Variants in GATA4 observed in about 807,000 individuals in gnomAD.
GATA4 encodes GATA binding protein 4.
Under a neutral mutation model 37.9 loss-of-function variants are expected in GATA4, and 7 were observed. The observed-to-expected ratio is 0.18, with a 90% CI of 0.11 to 0.35. GATA4 has a LOEUF of 0.35. GATA4 is among the 10% of genes least tolerant of loss of function. The pLI is 1.00. For synonymous variants in GATA4, 372 were observed against 292.6 expected (o/e 1.27, Z -2.77); for missense variants, 647 against 653.0 (o/e 0.99, Z 0.10).
At chr8:11,692,765 G>C (rs967401720) in intron 1 of GATA4, 1 of 983,084 alleles carries the variant, frequency 1.0e-6, no homozygotes, top group Non-Finnish European at 1.2e-6. Flanking sequence ...CGGACGGGGG[G>C]CGGGAAGCGA....
At chr8:11,697,944 T>C (rs974002131) in intron 1 of GATA4, 2 of 985,332 alleles carry the variant, frequency 2.0e-6, no homozygotes, top group South Asian at 4.7e-5. Flanking sequence ...GTTGAGGTCT[T>C]GGGCCTGGCG....
intron 2 of GATA4, among the ~76,000 whole-genome samples, chr8:11,719,332 A>G (rs904639257): frequency 6.6e-6 from 1 of 152,196 alleles, no homozygotes; most frequent in South Asian, 2.1e-4. Flanking sequence ...GAAAACAAAC[A>G]ACAAATAAAA....
At chr8:11,691,794 C>T (rs1015093580), upstream of GATA4, among the ~76,000 whole-genome samples, 2 of 152,132 alleles carry the variant, frequency 1.3e-5, no homozygotes, top group Non-Finnish European at 2.9e-5. Flanking sequence ...TGGGGTCCCT[C>T]CCTCCTCTTT....
At chr8:11,698,302 T>C (rs1343909547) in intron 1 of GATA4, among the ~76,000 whole-genome samples, 1 of 152,238 alleles carries the variant, frequency 6.6e-6, no homozygotes, top group African/African-American at 2.4e-5. Context: ...TTACAGCATG[T>C]AAGCTGCTTA....
intron 1 of GATA4, among the ~76,000 whole-genome samples, chr8:11,694,237 G>T (rs1799435450): frequency 6.6e-6 from 1 of 152,206 alleles, no homozygotes; most frequent in South Asian, 2.1e-4. Context: ...TTTGTGAATT[G>T]TAGCTCTTAT....
chr8:11,710,659 C>A (rs1162453878), intron 2 of GATA4, among the ~76,000 whole-genome samples: 3 of 137,152 alleles, frequency 2.2e-5, no homozygotes, highest in African/African-American at 8.6e-5. Context: ...CACTGCACTC[C>A]AGCCTGGTAA....
At chr8:11,719,139 T>C (rs971579036) in intron 2 of GATA4, among the ~76,000 whole-genome samples, 1 of 152,198 alleles carries the variant, frequency 6.6e-6, no homozygotes, top group African/African-American at 2.4e-5. Flanking sequence ...GGGTTGAAAT[T>C]GTGTCTCCGT....
chr8:11,739,735 C>CTTCTGTCGTGTATGGAGT (rs1554494979), intron 2 of GATA4, among the ~76,000 whole-genome samples: 6 of 144,388 alleles, frequency 4.2e-5, no homozygotes. Context: ...GTGTGCAGAG[C>CTTCTGTCGTGTATGGAGT]TTCTGTCGTG....
intron 2 of GATA4, among the ~76,000 whole-genome samples, chr8:11,726,099 GA>G (rs1177302677): frequency 6.6e-6 from 1 of 152,212 alleles, no homozygotes; most frequent in Non-Finnish European, 1.5e-5. Flanking sequence ...GTACATACAG[GA>G]CACATGCACG....
upstream of GATA4, among the ~76,000 whole-genome samples, chr8:11,702,246 T>A (rs955300597): frequency 4.6e-5 from 7 of 152,038 alleles, no homozygotes; most frequent in African/African-American, 1.7e-4. This position sits in a 1 kb window ranked among gnomAD's most constrained non-coding sequence, Gnocchi z 4.4. Context: ...CCTGGCTTGT[T>A]GCTAAGAAAA....
intron 5 of GATA4, among the ~76,000 whole-genome samples, 174 bp downstream of exon 5, chr8:11,755,307 TGC>T (rs1159896728): frequency 6.6e-6 from 1 of 152,090 alleles, no homozygotes; most frequent in Non-Finnish European, 1.5e-5. Flanking sequence ...AAGTAACAAT[TGC>T]CATGGAACGT....
intron 2 of GATA4, among the ~76,000 whole-genome samples, chr8:11,743,451 T>G (rs957315371): frequency 6.6e-6 from 1 of 152,230 alleles, no homozygotes; most frequent in African/African-American, 2.4e-5. Flanking sequence ...GGTGGAAGTC[T>G]GAGGGGAGCA....
chr8:11,691,950 A>G (rs1159357122), upstream of GATA4: 1 of 933,962 alleles, frequency 1.1e-6, no homozygotes. Flanking sequence ...TCAGACCATA[A>G]ATGCTCCATG....
At chr8:11,695,562 C>G (rs1335317049) in intron 1 of GATA4, among the ~76,000 whole-genome samples, 1 of 152,206 alleles carries the variant, frequency 6.6e-6, no homozygotes, top group South Asian at 2.1e-4. Context: ...GTTTCTCTTT[C>G]AAGGCCAGTC....
intron 4 of GATA4, among the ~76,000 whole-genome samples, chr8:11,754,568 T>G (rs1802460090): frequency 6.6e-6 from 1 of 152,204 alleles, no homozygotes; most frequent in Non-Finnish European, 1.5e-5. Context: ...TAAAGGCTTT[T>G]GAACAGTCTG....
chr8:11,712,690 T>TAAAAAAA (rs3030047), intron 2 of GATA4, among the ~76,000 whole-genome samples: 3 of 93,012 alleles, frequency 3.2e-5, no homozygotes, highest in African/African-American at 8.1e-5. Flanking sequence ...ACCACATCTC[T>TAAAAAAA]AAAAAAAAAA....
upstream of GATA4, among the ~76,000 whole-genome samples, chr8:11,703,194 T>G (rs1799744439): frequency 6.6e-6 from 1 of 151,970 alleles, no homozygotes; most frequent in Non-Finnish European, 1.5e-5. Flanking sequence ...AAAAAAAAGT[T>G]TAACCGAAAG....
upstream of GATA4, among the ~76,000 whole-genome samples, chr8:11,703,198 C>G (rs902186541): frequency 7.2e-5 from 11 of 152,114 alleles, no homozygotes; most frequent in Non-Finnish European, 1.2e-4. Flanking sequence ...AAAAGTTTAA[C>G]CGAAAGCGTG....
intron 2 of GATA4, among the ~76,000 whole-genome samples, chr8:11,733,246 A>C (rs1801294736): frequency 6.6e-6 from 1 of 152,226 alleles, no homozygotes; most frequent in Admixed American, 6.5e-5. Flanking sequence ...AATTTAACAC[A>C]GTCTCAGGAA....
Sources: gnomAD v4.1 joint callset for allele counts (sites outside exome capture counted in the v4.1 genomes callset) on GRCh38, gnomAD v4.1.1 for gene constraint, Gnocchi (gnomAD v3.1) non-coding constraint, MANE v1.5 for transcripts, NCBI Gene and HGNC (gene_info 2026-07-23, HGNC 2026-07-21) for gene names.